Variants in DLGAP2 observed in about 807,000 individuals in gnomAD.
DLGAP2 encodes the protein DLG associated protein 2, also known as disks large-associated protein 2.
A neutral mutation model predicts 100.3 loss-of-function variants in DLGAP2; 26 were observed. The ratio of observed to expected loss-of-function variants is 0.26; its 90% CI spans 0.19 to 0.36. The LOEUF (loss-of-function observed/expected upper bound fraction) is 0.36, where lower values mean the gene tolerates loss of function less well. Ranked by LOEUF, DLGAP2 falls within the 10% of genes least tolerant of loss-of-function variation. The pLI, the probability that DLGAP2 is intolerant of heterozygous loss-of-function variation, is 1.00. For synonymous variants in DLGAP2, 886 were observed against 630.1 expected (o/e 1.41, Z -6.08); for missense variants, 1,858 against 1,453.2 (o/e 1.28, Z -4.53).
At chr8:1,155,624 G>A (rs533259563) in intron 2 of DLGAP2, among the ~76,000 whole-genome samples, 2 of 151,896 alleles carry the variant, frequency 1.3e-5, no homozygotes, top group African/African-American at 4.9e-5. Flanking sequence ...CCGGGGTTTT[G>A]CTTCGCGATG....
chr8:794,481 T>A (rs1795984912), intron 1 of DLGAP2, among the ~76,000 whole-genome samples: 1 of 152,190 alleles, frequency 6.6e-6, no homozygotes, highest in Non-Finnish European at 1.5e-5. Flanking sequence ...GTCTCCCTTA[T>A]GAGAAATGAA....
intron 1 of DLGAP2, among the ~76,000 whole-genome samples, chr8:787,413 A>C (rs980075078): frequency 1.3e-5 from 2 of 152,180 alleles, no homozygotes; most frequent in African/African-American, 4.8e-5. Flanking sequence ...CCTCTAAAAA[A>C]TATCTTCTAA....
chr8:1,340,157 A>G (rs552972721), intron 3 of DLGAP2, among the ~76,000 whole-genome samples: 1 of 152,352 alleles, frequency 6.6e-6, no homozygotes, highest in South Asian at 2.1e-4. Context: ...AGGCAGTACC[A>G]TTCTGGACAT....
chr8:816,689 A>G (rs190290250), intron 1 of DLGAP2, among the ~76,000 whole-genome samples: 10 of 152,212 alleles, frequency 6.6e-5, no homozygotes, highest in Non-Finnish European at 7.3e-5. Context: ...CCTGATGACT[A>G]TGTGTCTAAG....
At chr8:1,700,043 C>T (rs1370479241) in intron 14 of DLGAP2, among the ~76,000 whole-genome samples, 3 of 152,176 alleles carry the variant, frequency 2.0e-5, no homozygotes, top group African/African-American at 7.2e-5. Flanking sequence ...TAGATGGATG[C>T]CAAGAAGTCA....
chr8:1,464,778 G>C (rs1210896605), intron 3 of DLGAP2, among the ~76,000 whole-genome samples: 1 of 152,330 alleles, frequency 6.6e-6, no homozygotes, highest in East Asian at 1.9e-4. Context: ...CTGGCCTCCA[G>C]CGAAGCACCG....
intron 2 of DLGAP2, among the ~76,000 whole-genome samples, chr8:1,013,242 A>C (rs1162758567): frequency 6.6e-6 from 1 of 152,156 alleles, no homozygotes; most frequent in East Asian, 1.9e-4. Flanking sequence ...TTGGTGTGAA[A>C]AGTTAAGCAT....
chr8:1,447,233 C>G (rs1179474554), intron 3 of DLGAP2, among the ~76,000 whole-genome samples: 3 of 152,174 alleles, frequency 2.0e-5, no homozygotes, highest in Non-Finnish European at 1.5e-5. Flanking sequence ...GTGGGTTTGT[C>G]ATAGATAGCT....
At chr8:1,277,902 A>G (rs908589243) in intron 3 of DLGAP2, among the ~76,000 whole-genome samples, 7 of 152,250 alleles carry the variant, frequency 4.6e-5, no homozygotes, top group Admixed American at 1.3e-4. Flanking sequence ...CTGACAGCGG[A>G]AACGTTATCT....
At chr8:831,866 G>A (rs566114783) in intron 1 of DLGAP2, among the ~76,000 whole-genome samples, 5 of 151,310 alleles carry the variant, frequency 3.3e-5, no homozygotes, top group African/African-American at 7.3e-5. Flanking sequence ...CCACAGCCTC[G>A]CCCACATCTG....
At chr8:773,817 T>C (rs1480515605) in intron 1 of DLGAP2, among the ~76,000 whole-genome samples, 7 of 152,218 alleles carry the variant, frequency 4.6e-5, no homozygotes, top group Non-Finnish European at 1.0e-4. Context: ...TACATGTGCA[T>C]GTGTCTTTAT....
chr8:1,218,410 T>G (rs940618228), intron 2 of DLGAP2, among the ~76,000 whole-genome samples: 1 of 152,190 alleles, frequency 6.6e-6, no homozygotes, highest in Admixed American at 6.6e-5. Context: ...GGTGTGCCGC[T>G]TTATTTGGGG....
intron 2 of DLGAP2, among the ~76,000 whole-genome samples, chr8:1,028,262 T>C (rs1801871712): frequency 7.1e-6 from 1 of 139,942 alleles, no homozygotes; most frequent in African/African-American, 2.8e-5. Context: ...CAGGCGCCCG[T>C]TATTCTCCAG....
intron 1 of DLGAP2, among the ~76,000 whole-genome samples, chr8:824,388 T>G (rs1187836484): frequency 2.6e-5 from 4 of 152,180 alleles, no homozygotes; most frequent in Non-Finnish European, 4.4e-5. Context: ...CATTCCTTCT[T>G]CTTTCTCTGG....
chr8:1,317,953 G>A (rs1355977261), intron 3 of DLGAP2, among the ~76,000 whole-genome samples: 1 of 64,046 alleles, frequency 1.6e-5, no homozygotes, highest in African/African-American at 8.6e-5. Flanking sequence ...GAGCGTGTGC[G>A]AGTGCAGCGT....
chr8:754,299 G>A (rs575492983), intron 1 of DLGAP2: 1 of 152,314 alleles, frequency 6.6e-6, no homozygotes, highest in South Asian at 2.1e-4. Flanking sequence ...ACACGGTTCT[G>A]TTCCACACTG....
chr8:831,571 T>G (rs999009761), intron 1 of DLGAP2, among the ~76,000 whole-genome samples: 3 of 152,200 alleles, frequency 2.0e-5, no homozygotes, highest in Non-Finnish European at 4.4e-5. Flanking sequence ...CTGCATAATA[T>G]TCCATGGTGT....
chr8:1,103,921 C>A (rs1232896264), intron 2 of DLGAP2, among the ~76,000 whole-genome samples: 1 of 152,200 alleles, frequency 6.6e-6, no homozygotes, highest in Non-Finnish European at 1.5e-5. Flanking sequence ...GTTGAGTTGG[C>A]CTTTGGTGAG....
intron 2 of DLGAP2, among the ~76,000 whole-genome samples, chr8:1,061,943 A>G (rs1391836768): frequency 6.6e-6 from 1 of 151,922 alleles, no homozygotes; most frequent in Non-Finnish European, 1.5e-5. Context: ...GCTCCCTAGG[A>G]AGTTGCCCAT....
Sources: allele counts gnomAD v4.1 joint callset (sites outside exome capture counted in the v4.1 genomes callset), GRCh38; gene constraint gnomAD v4.1.1; transcripts MANE v1.5; gene names NCBI Gene and HGNC (gene_info 2026-07-23, HGNC 2026-07-21).